TMEM213: variants seen among roughly 807,000 people sequenced by gnomAD.
TMEM213 encodes the protein transmembrane protein 213.
Under a neutral mutation model 11.6 loss-of-function variants are expected in TMEM213, and 7 were observed. That is an observed-to-expected ratio of 0.60 (90% confidence interval 0.34 to 1.13). TMEM213 has a LOEUF of 1.13. Ranked by LOEUF, TMEM213 falls within the 50% of genes most tolerant of loss-of-function variation. TMEM213 has a pLI of 0.03. For missense variants in TMEM213, 129 were observed against 139.0 expected (o/e 0.93, Z 0.36); for synonymous variants, 60 against 58.3 (o/e 1.03, Z -0.13).
chr7:138,805,243 AG>A lies in TMEM213; in HGVS notation c.*2175del, dbSNP rs148837413. On this transcript the variant is annotated 3_prime_UTR_variant, in exon 3 of 3. Coordinates refer to ENST00000442682, the MANE Select transcript of TMEM213 (RefSeq NM_001085429.2). ...CCCTGTCTCTACAAAAAAAAAAAAA[AG>A]ATTAGCCAGGCGTGGTGGTGCACAC... 60,932 of 145,442 alleles carry A rather than the reference AG, an allele frequency of 0.42. 13,039 individuals carry two copies. Among genetic ancestry groups the A allele is most frequent in the East Asian group, 0.66 (3,245 of 4,948 alleles). The allele number at this position is 145,442 out of a possible 1,614,324, so 9.0% of individuals were successfully genotyped here. A position where few individuals can be genotyped will look rare whatever the true frequency, so the allele number is the denominator to read the frequency against.
In TMEM213 at chr7:138,804,459, G is replaced by C. The variant is rs1438402898; in HGVS notation, c.*1390G>C. ...AGCTCGAATGCTTGATCTGCCTGGA[G>C]CCTTCCTGGTCATCCTTGGGTGACC... is the stretch of plus-strand genomic sequence containing the variant. On this transcript the variant is annotated 3_prime_UTR_variant, in exon 3 of 3. Coordinates refer to ENST00000442682, the MANE Select transcript of TMEM213 (RefSeq NM_001085429.2). 6.6e-6 allele frequency: 1 copy of C among 152,208 alleles called. No homozygotes were observed. Among genetic ancestry groups the C allele is most frequent in the East Asian group, 1.9e-4 (1 of 5,192 alleles). 9.4% of individuals were successfully genotyped at this position (152,208 alleles called of 1,614,324 possible).
intron 1 of TMEM213, among the ~76,000 whole-genome samples, chr7:138,800,698 CTTCTTCTT>C (rs1808907547): frequency 1.1e-5 from 1 of 91,906 alleles, no homozygotes; most frequent in Non-Finnish European, 2.3e-5. Flanking sequence ...TCTTCTTCTT[CTTCTTCTT>C]TTTTTTTTTT....
chr7:138,798,024 GTCGAC>G lies in TMEM213; in HGVS notation c.-78_-74del, dbSNP rs1173937477. ...TGCTTTCCAGCTCCTGCAGGTGGGA[GTCGAC>G]TCACCTGCAGCAGGCACTCGGCACA... On this transcript the variant is annotated 5_prime_UTR_variant, in exon 1 of 3. Coordinates refer to ENST00000442682, the MANE Select transcript of TMEM213 (RefSeq NM_001085429.2). 6.4e-7 allele frequency: 1 copy of G among 1,551,632 alleles called. No individual in the cohort carries two copies. Among genetic ancestry groups the G allele is most frequent in the East Asian group, 2.4e-5 (1 of 40,970 alleles).
rs1003332623 is a variant in TMEM213, at chr7:138,803,526, C to T, written c.*457C>T. The T allele has an allele frequency of 8.1e-5, 14 of 173,654 alleles. No individual in the cohort carries two copies. The highest frequency in any genetic ancestry group is 2.6e-4 in the African/African-American group (11 of 41,644). 10.8% of individuals were successfully genotyped at this position (173,654 alleles called of 1,614,324 possible). On this transcript the variant is annotated 3_prime_UTR_variant, in exon 3 of 3. Coordinates refer to ENST00000442682, the MANE Select transcript of TMEM213 (RefSeq NM_001085429.2). ...GGTATGGTGGCTCATGCCTGTAATC[C>T]CAGCACTTTGGGAGGCAGAGGTGGG...
intron 1 of TMEM213, among the ~76,000 whole-genome samples, chr7:138,800,849 A>G (rs933657419): frequency 6.6e-5 from 10 of 151,700 alleles, no homozygotes; most frequent in Non-Finnish European, 1.3e-4. Context: ...ACAGGCATGC[A>G]CCACCACGCC....
Position 138,803,218 on chromosome 7 carries a change from A to T in TMEM213, c.*149A>T, listed in dbSNP as rs1186507040. On this transcript the variant is annotated 3_prime_UTR_variant, in exon 3 of 3. Transcript: ENST00000442682. The stretch of plus-strand genomic sequence containing the variant: ...CAAGGGAAAGAAGAAAGAGCGGGAG[A>T]ACCAAATAAGGCAAGCCAGTGCTGC... 2.7e-6 allele frequency: 3 copies of T among 1,110,036 alleles called. No homozygotes were observed. In the East Asian group the frequency reaches 7.8e-5, roughly 29 times the overall value. The allele number at this position is 1,110,036 out of a possible 1,614,324, so 68.8% of individuals were successfully genotyped here. A position where few individuals can be genotyped will look rare whatever the true frequency, so the allele number is the denominator to read the frequency against.
rs1312772319 is a variant in TMEM213, at chr7:138,806,232, G to C, written c.*3163G>C. On this transcript the variant is annotated 3_prime_UTR_variant, in exon 3 of 3. Transcript: ENST00000442682. ...TAAGTTAAAAAAGATAATCTGGGCT[G>C]GATGTGGTGGCTCACTCCTGTAATT... is the stretch of plus-strand genomic sequence containing the variant. 3.3e-5 allele frequency: 5 copies of C among 152,312 alleles called. No homozygotes were observed. Among genetic ancestry groups the C allele is most frequent in the African/African-American group, 1.2e-4 (5 of 41,572 alleles). The allele number at this position is 152,312 out of a possible 1,614,324, so 9.4% of individuals were successfully genotyped here.
In TMEM213 at chr7:138,804,245, A is replaced by G. The variant is rs1220693580; in HGVS notation, c.*1176A>G. 2.6e-5 allele frequency: 4 copies of G among 152,312 alleles called. No individual in the cohort carries two copies. The highest frequency in any genetic ancestry group is 5.9e-5 in the Non-Finnish European group (4 of 68,178). 9.4% of individuals were successfully genotyped at this position (152,312 alleles called of 1,614,324 possible). ...TGACAACAGTCAGTAGCTCCTAAGG[A>G]CTAAAACTGTTCAGCCCAGCATTCA... On this transcript the variant is annotated 3_prime_UTR_variant, in exon 3 of 3. Coordinates refer to ENST00000442682, the MANE Select transcript of TMEM213 (RefSeq NM_001085429.2).
At chr7:138,798,763 GGA>G (rs1808820115) in intron 1 of TMEM213, among the ~76,000 whole-genome samples, 1 of 152,166 alleles carries the variant, frequency 6.6e-6, no homozygotes, top group African/African-American at 2.4e-5. Context: ...ATTTTCCTGT[GGA>G]GGCTGGAAGG....
intron 2 of TMEM213, 161 bp downstream of exon 2, chr7:138,801,559 A>G (rs1808949616): frequency 1.7e-5 from 11 of 657,756 alleles, no homozygotes; most frequent in Non-Finnish European, 2.9e-5. Flanking sequence ...TTTGCAGAGC[A>G]GGTCTGAAAG....
chr7:138,799,473 T>A (rs1808857248), intron 1 of TMEM213: 1 of 152,198 alleles, frequency 6.6e-6, no homozygotes, highest in African/African-American at 2.4e-5. Context: ...AGGAGGGCGA[T>A]GTTTAAATTC....
rs573573464 is a variant in TMEM213 at position 138,805,782 on chromosome 7, G to A, written c.*2713G>A. 6.6e-6 allele frequency: 1 copy of A among 152,280 alleles called. No homozygotes were observed. The highest frequency in any genetic ancestry group is 1.5e-5 in the Non-Finnish European group (1 of 68,026). The allele number at this position is 152,280 out of a possible 1,614,324, so 9.4% of individuals were successfully genotyped here. A position where few individuals can be genotyped will look rare whatever the true frequency, so the allele number is the denominator to read the frequency against. ...AAAAGTTCATGGAACCATTTCAGTCGCTTCATGGAATCGGGGTAGGCATGA... is the reference window on the plus strand; with the variant it reads ...AAAAGTTCATGGAACCATTTCAGTCACTTCATGGAATCGGGGTAGGCATGA... On this transcript the variant is annotated 3_prime_UTR_variant, in exon 3 of 3. Coordinates refer to ENST00000442682, the MANE Select transcript of TMEM213 (RefSeq NM_001085429.2).
In TMEM213 at chr7:138,805,036, TAAGTA is replaced by T. The variant is rs1203737877; in HGVS notation, c.*1972_*1976del. On this transcript the variant is annotated 3_prime_UTR_variant, in exon 3 of 3. Coordinates refer to ENST00000442682, the MANE Select transcript of TMEM213 (RefSeq NM_001085429.2). ...TGCTCAGTGGCTCTTTCAGAAAATC[TAAGTA>T]AAGTTCCCTGACAACAGAAACTGAA... The T allele has an allele frequency of 6.6e-6, 1 of 152,146 alleles. No homozygotes were observed. Among genetic ancestry groups the T allele is most frequent in the East Asian group, 1.9e-4 (1 of 5,188 alleles). 9.4% of individuals were successfully genotyped at this position (152,146 alleles called of 1,614,324 possible). A position where few individuals can be genotyped will look rare whatever the true frequency, so the allele number is the denominator to read the frequency against.
intron 1 of TMEM213, chr7:138,799,285 A>T: frequency 6.6e-6 from 1 of 152,166 alleles, no homozygotes; most frequent in East Asian, 1.9e-4. Context: ...CCCCTCCCCA[A>T]ATAAGAGTGC....
At chr7:138,801,479 T>A in intron 2 of TMEM213, 81 bp downstream of exon 2, 1 of 1,365,480 alleles carries the variant, frequency 7.3e-7, no homozygotes, top group Non-Finnish European at 1.0e-6. Flanking sequence ...CCGCTTTCCG[T>A]TGATTGGTGT....
In TMEM213 at chr7:138,798,231, G is replaced by A. The variant is rs111520348; in HGVS notation, c.82+45G>A. ...TCATGGCCAGGCTGGGAAGGGGGAG[G>A]GAAGGAGGGAAGAGAGGTGGGAGGG... On this transcript the variant is annotated intron_variant, in intron 1 of 2. Coordinates refer to ENST00000442682, the MANE Select transcript of TMEM213 (RefSeq NM_001085429.2). The A allele has an allele frequency of 7.4e-4, 1,135 of 1,524,354 alleles. 8 individuals carry two copies. The African/African-American group carries it at 0.013, about 18-fold the overall frequency. 94.4% of individuals were successfully genotyped at this position (1,524,354 alleles called of 1,614,324 possible). A position where few individuals can be genotyped will look rare whatever the true frequency, so the allele number is the denominator to read the frequency against.
intron 1 of TMEM213, chr7:138,799,468 G>A (rs1308233541): frequency 6.6e-6 from 1 of 152,118 alleles, no homozygotes; most frequent in Non-Finnish European, 1.5e-5. Context: ...AAGGGAGGAG[G>A]GCGATGTTTA....
At position 138,805,700 on chromosome 7, in the gene TMEM213, T is replaced by C. The variant is rs1809087697; in HGVS notation, c.*2631T>C. ...GTCACTTTATCTCACTGAGCACCAA[T>C]TTTACACGTGGAAAATAGAAGAATT... On this transcript the variant is annotated 3_prime_UTR_variant, in exon 3 of 3. Coordinates refer to ENST00000442682, the MANE Select transcript of TMEM213 (RefSeq NM_001085429.2). The C allele has an allele frequency of 6.6e-6, 1 of 152,156 alleles. No homozygotes were observed. The highest frequency in any genetic ancestry group is 2.4e-5 in the African/African-American group (1 of 41,430). The allele number at this position is 152,156 out of a possible 1,614,324, so 9.4% of individuals were successfully genotyped here. A position where few individuals can be genotyped will look rare whatever the true frequency, so the allele number is the denominator to read the frequency against.
intron 2 of TMEM213, 69 bp from the exon 3 acceptor site, chr7:138,802,831 T>C: frequency 1.4e-6 from 2 of 1,456,486 alleles, no homozygotes; most frequent in South Asian, 1.4e-5. Context: ...TCTGTTAATA[T>C]TAATGGTAGA....
Sources: allele counts gnomAD v4.1 joint callset (sites outside exome capture counted in the v4.1 genomes callset), GRCh38; gene constraint gnomAD v4.1.1; transcripts MANE v1.5; gene names NCBI Gene and HGNC (gene_info 2026-07-23, HGNC 2026-07-21).